The following NBEA variants were observed in gnomAD, a reference collection of about 807,000 sequenced individuals.
NBEA encodes the protein lysosomal-trafficking regulator 2.
A neutral mutation model predicts 343.4 loss-of-function variants in NBEA; 44 were observed. The observed-to-expected ratio is 0.13, with a 90% CI of 0.10 to 0.16. The LOEUF (loss-of-function observed/expected upper bound fraction) is 0.16. Among genes scored for constraint, NBEA ranks in the 10% least tolerant of loss-of-function variants. The pLI is 1.00. For synonymous variants in NBEA, 1,175 were observed against 1,238.7 expected, an observed-to-expected ratio of 0.95 and a Z score of 1.08; for missense variants, 2,555 against 3,631.3, an observed-to-expected ratio of 0.70 and a Z score of 7.62.
In NBEA at chr13:34,943,079, A is replaced by T; in HGVS notation, c.259A>T (p.Ser87Cys). 6.2e-7 allele frequency: 1 copy of T among 1,613,746 alleles called. No homozygotes were observed. The highest frequency in any genetic ancestry group is 2.2e-5 in the East Asian group (1 of 44,808). The change falls in exon 1 of 59, where the codon AGC becomes TGC. Residue 87 changes from serine to cysteine, a missense_variant. Around this residue, in one of 21 missense-constraint regions of NBEA, gnomAD observed 185 missense variants for 290.6 expected, o/e 0.64. Transcript: ENST00000379939. ...LIGLIQVGEV[S>C]NRDIVETVLN... ...TGGACTCATACAGGTCGGAGAGGTC[A>T]GCAACAGGGACATCGTGGAGACGGT...
chr13:35,331,009 A>G (rs1019589116), intron 36 of NBEA, among the ~76,000 whole-genome samples: 3 of 152,060 alleles, frequency 2.0e-5, no homozygotes, highest in African/African-American at 7.2e-5. Context: ...ATGGCAGACT[A>G]CAAATCTAGA....
At position 35,159,523 on chromosome 13, in the gene NBEA, A is replaced by T. The variant is rs1411072011; in HGVS notation, c.3352A>T (p.Ile1118Phe). Residue 1118 changes from isoleucine to phenylalanine, a missense_variant, in exon 22 of 59, where the codon ATT becomes TTT. This residue lies in a region of NBEA where 367 missense variants were observed against 377.5 expected (regional missense o/e 0.97). Coordinates refer to ENST00000379939, the MANE Select transcript of NBEA (RefSeq NM_001385012.1). ...CAATGTACATGGAAGTGTTGGTATC[A>T]TTAAAAAAAATGAAGAAAAGGATAA... ...QNNVHGSVGI[I>F]KKNEEKDNGP... 6.2e-7 allele frequency: 1 copy of T among 1,613,076 alleles called. No individual in the cohort carries two copies. The highest frequency in any genetic ancestry group is 2.2e-5 in the East Asian group (1 of 44,806).
At chr13:35,374,318 A>G (rs1013466699) in intron 38 of NBEA, among the ~76,000 whole-genome samples, 1 of 152,238 alleles carries the variant, frequency 6.6e-6, no homozygotes, top group Non-Finnish European at 1.5e-5. Context: ...AGATATGGGC[A>G]ACATTCATGG....
intron 38 of NBEA, among the ~76,000 whole-genome samples, chr13:35,393,395 A>G (rs1307048596): frequency 6.6e-6 from 1 of 152,174 alleles, no homozygotes; most frequent in Non-Finnish European, 1.5e-5. Context: ...ATGGCATAGA[A>G]TAAATAGAAA....
intron 34 of NBEA, among the ~76,000 whole-genome samples, chr13:35,284,733 T>C (rs1566566130): frequency 6.6e-6 from 1 of 152,186 alleles, no homozygotes; most frequent in Non-Finnish European, 1.5e-5. Context: ...AGGGTTTAGA[T>C]CTTAGTAAGT....
chr13:35,210,775 G>A (rs975129239), intron 32 of NBEA, among the ~76,000 whole-genome samples: 2 of 151,940 alleles, frequency 1.3e-5, no homozygotes, highest in African/African-American at 2.4e-5. Context: ...TCATTTTATC[G>A]AAAAATTTTT....
chr13:35,563,383 A>AT (rs995223446), intron 44 of NBEA, among the ~76,000 whole-genome samples: 2 of 151,662 alleles, frequency 1.3e-5, no homozygotes, highest in African/African-American at 2.4e-5. Flanking sequence ...AATGAACAGT[A>AT]TTTTTTTTCA....
chr13:35,029,952 T>C (rs543567650), intron 1 of NBEA, among the ~76,000 whole-genome samples: 3 of 151,734 alleles, frequency 2.0e-5, no homozygotes, highest in African/African-American at 7.2e-5. Flanking sequence ...ACAGCGGTAG[T>C]ACCTTTTAGA....
intron 45 of NBEA, among the ~76,000 whole-genome samples, chr13:35,581,884 T>TAAAAAAAAAA (rs67036210): frequency 9.1e-6 from 1 of 110,460 alleles, no homozygotes; most frequent in Admixed American, 9.0e-5. Context: ...AAAGTATAAT[T>TAAAAAAAAAA]AAAAAAAAAA....
chr13:35,645,986 T>C (rs2084210686), intron 50 of NBEA, 55 bp downstream of exon 50: 1 of 1,144,356 alleles, frequency 8.7e-7, no homozygotes, highest in Admixed American at 2.5e-5. Flanking sequence ...GCTGCATGCA[T>C]GTATTCACAG....
chr13:35,400,654 A>G (rs1333633291), intron 38 of NBEA, among the ~76,000 whole-genome samples: 1 of 151,942 alleles, frequency 6.6e-6, no homozygotes, highest in African/African-American at 2.4e-5. Context: ...CCCTCCCCTT[A>G]CTGCCTCAAT....
chr13:35,124,387 C>A (rs540101084), intron 17 of NBEA, among the ~76,000 whole-genome samples: 1 of 149,994 alleles, frequency 6.7e-6, no homozygotes, highest in South Asian at 2.1e-4. Flanking sequence ...TTTAAAATTT[C>A]GGTACCAAAG....
At chr13:35,146,226 A>G (rs974070863) in intron 18 of NBEA, among the ~76,000 whole-genome samples, 1 of 152,188 alleles carries the variant, frequency 6.6e-6, no homozygotes, top group Non-Finnish European at 1.5e-5. Flanking sequence ...TCCCATTCCA[A>G]TAAAGAAATG....
intron 1 of NBEA, among the ~76,000 whole-genome samples, chr13:35,010,757 T>A (rs868234893): frequency 0.081 from 8,666 of 106,782 alleles, 1,421 homozygotes; most frequent in African/African-American, 0.13. Flanking sequence ...TATATATATA[T>A]ATATATATAT....
chr13:35,307,584 G>A (rs1005980637), intron 35 of NBEA, among the ~76,000 whole-genome samples: 4 of 152,020 alleles, frequency 2.6e-5, no homozygotes, highest in African/African-American at 7.2e-5. Context: ...ATATCTTACC[G>A]AAAAATCTTA....
At chr13:34,944,601 T>C (rs1188415154) in intron 1 of NBEA, among the ~76,000 whole-genome samples, 1 of 152,224 alleles carries the variant, frequency 6.6e-6, no homozygotes, top group Non-Finnish European at 1.5e-5. Flanking sequence ...AGAACACTAC[T>C]AGAAATACAG....
At chr13:35,529,436 G>A (rs1478162530) in intron 41 of NBEA, among the ~76,000 whole-genome samples, 1 of 152,128 alleles carries the variant, frequency 6.6e-6, no homozygotes. Flanking sequence ...GGCTCTTTTG[G>A]TTTCAGTGCC....
chr13:35,074,822 G>A (rs1014179687), intron 10 of NBEA, among the ~76,000 whole-genome samples: 1 of 151,902 alleles, frequency 6.6e-6, no homozygotes, highest in Admixed American at 6.6e-5. Flanking sequence ...TTGGGGGGAG[G>A]GAAGTGGCTA....
At chr13:35,350,551 G>A (rs1288708514) in intron 37 of NBEA, among the ~76,000 whole-genome samples, 1 of 151,980 alleles carries the variant, frequency 6.6e-6, no homozygotes, top group East Asian at 1.9e-4. Flanking sequence ...TCTTCCCAAG[G>A]TGATAAGAGG....
Sources: allele counts gnomAD v4.1 joint callset (sites outside exome capture counted in the v4.1 genomes callset), GRCh38; gene constraint gnomAD v4.1.1; regional missense constraint gnomAD v4.1.1; transcripts MANE v1.5; gene names NCBI Gene and HGNC (gene_info 2026-07-23, HGNC 2026-07-21).